Variants in BRAF observed in about 807,000 individuals in gnomAD.
BRAF encodes serine/threonine-protein kinase B-raf.
Under a neutral mutation model 104.6 loss-of-function variants are expected in BRAF, and 16 were observed. The observed-to-expected ratio is 0.15, with a 90% CI of 0.10 to 0.23. The LOEUF (loss-of-function observed/expected upper bound fraction) is 0.23. Ranked by LOEUF, BRAF falls within the 10% of genes least tolerant of loss-of-function variation. The probability of loss-of-function intolerance (pLI) is 1.00; values close to 1 mark genes in which losing one functional copy is unlikely to be tolerated. For missense variants in BRAF, 541 were observed against 937.3 expected (o/e 0.58, Z 5.52); for synonymous variants, 310 against 341.6 (o/e 0.91, Z 1.02).
At chr7:140,824,993 T>TG (rs1805868091) in intron 3 of BRAF, among the ~76,000 whole-genome samples, 2 of 149,792 alleles carry the variant, frequency 1.3e-5, no homozygotes, top group Non-Finnish European at 3.0e-5. Context: ...TTTTTTGAGA[T>TG]GGAGTCTCAC....
Position 140,734,774 on chromosome 7 carries a change from C to CAAAAAAAAAAAAG in BRAF, c.2248-5_2248-4insCTTTTTTTTTTTT. The CAAAAAAAAAAAAG allele has an allele frequency of 4.8e-5, 37 of 772,268 alleles. No homozygotes were observed. The highest frequency in any genetic ancestry group is 5.7e-5 in the Non-Finnish European group (34 of 601,402). 47.8% of individuals were successfully genotyped at this position (772,268 alleles called of 1,614,324 possible). On this transcript the variant is annotated splice_region_variant and splice_polypyrimidine_tract_variant and intron_variant, in intron 18 of 19. Coordinates refer to ENST00000644969, the MANE Select transcript of BRAF (RefSeq NM_001374258.1). ...GCAGCTCAATAGAGGCGAGAATCTA[C>CAAAAAAAAAAAAG]AAAAAAAAAAAGAAAAAAAAAAGAA...
intron 5 of BRAF, 29 bp from the exon 6 acceptor site, chr7:140,801,589 A>C (rs373010909): frequency 1.8e-4 from 292 of 1,602,768 alleles, no homozygotes; most frequent in Non-Finnish European, 2.4e-4. Context: ...CAGAGATTTC[A>C]AAAACTCACA....
chr7:140,769,863 C>T (rs953343098), intron 14 of BRAF, among the ~76,000 whole-genome samples: 4 of 152,216 alleles, frequency 2.6e-5, no homozygotes, highest in Admixed American at 2.6e-4. Context: ...GCATGAGCCA[C>T]TGCATCCAGA....
chr7:140,844,888 C>A (rs1808382161), intron 2 of BRAF, among the ~76,000 whole-genome samples: 2 of 151,936 alleles, frequency 1.3e-5, no homozygotes. Context: ...CCACTGCACT[C>A]CAGCCTGGGT....
At chr7:140,825,223 C>T (rs770481726) in intron 3 of BRAF, among the ~76,000 whole-genome samples, 1 of 152,132 alleles carries the variant, frequency 6.6e-6, no homozygotes, top group Non-Finnish European at 1.5e-5. Context: ...CTGCCTCAGC[C>T]TCCCAAAGTG....
chr7:140,804,116 A>G (rs1242896581), intron 5 of BRAF, among the ~76,000 whole-genome samples: 1 of 152,034 alleles, frequency 6.6e-6, no homozygotes, highest in African/African-American at 2.4e-5. Context: ...CAAACTCCTG[A>G]CCTCAAGTGA....
At position 140,769,434 on chromosome 7, in the gene BRAF, C is replaced by T. The variant is rs146799125; in HGVS notation, c.1814+7478G>A. ...ATTCCTGGAGATAATCACTATGTTACTTGATCTTTGCTTTCTAATCCTTAT... is the reference window on the plus strand; with the variant it reads ...ATTCCTGGAGATAATCACTATGTTATTTGATCTTTGCTTTCTAATCCTTAT... On this transcript the variant is annotated intron_variant, in intron 14 of 19. Coordinates refer to ENST00000644969, the MANE Select transcript of BRAF (RefSeq NM_001374258.1). Among the ~76,000 whole-genome samples the T allele has an allele frequency of 2.7e-3, 418 of 152,228 alleles. 2 individuals are homozygous for T. Among genetic ancestry groups the T allele is most frequent in the Non-Finnish European group, 5.0e-3 (339 of 68,008 alleles).
intron 3 of BRAF, among the ~76,000 whole-genome samples, chr7:140,829,401 C>G (rs927725593): frequency 1.3e-5 from 2 of 148,814 alleles, no homozygotes; most frequent in African/African-American, 5.0e-5. Flanking sequence ...CTTTTGTAAG[C>G]AGTCTAAGAT....
At position 140,850,170 on chromosome 7, in the gene BRAF, T is replaced by C. The variant is rs1265063696; in HGVS notation, c.181A>G (p.Ile61Val). 4 of 1,611,990 alleles carry C rather than the reference T, an allele frequency of 2.5e-6. No individual in the cohort carries two copies. Among genetic ancestry groups the C allele is most frequent in the Non-Finnish European group, 3.4e-6 (4 of 1,179,082 alleles). Reference protein sequence around the residue: ...KQMIKLTQEHIEALLDKFGGE... With the variant: ...KQMIKLTQEHVEALLDKFGGE... ...CCAAATTTGTCCAATAGGGCCTCTA[T>C]ATGTTCCTGTGTCAACTTAATCATT... is the stretch of plus-strand genomic sequence containing the variant. The change falls in exon 2 of 20, where the codon ATA becomes GTA. Residue 61 changes from isoleucine to valine, a missense_variant. By Grantham distance (29) the Ile-to-Val change is conservative. Around this residue, in one of 10 missense-constraint regions of BRAF, gnomAD observed 86 missense variants for 133.9 expected, o/e 0.64. Transcript: ENST00000644969.
At chr7:140,813,627 C>T (rs1804513434) in intron 3 of BRAF, among the ~76,000 whole-genome samples, 1 of 152,164 alleles carries the variant, frequency 6.6e-6, no homozygotes. Context: ...ACCATACACA[C>T]ATCACTGGTT....
rs893618527 is a variant in BRAF at position 140,722,865 on chromosome 7, T to C, written c.*3629A>G. 10 of 1,054,538 alleles carry C rather than the reference T, an allele frequency of 9.5e-6. No homozygotes were observed. The highest frequency in any genetic ancestry group is 1.0e-5 in the Non-Finnish European group (9 of 872,568). 65.3% of individuals were successfully genotyped at this position (1,054,538 alleles called of 1,614,324 possible). On this transcript the variant is annotated 3_prime_UTR_variant, in exon 20 of 20. Coordinates refer to ENST00000644969, the MANE Select transcript of BRAF (RefSeq NM_001374258.1). ...ATTCTGAAACGTACCCCTAAACCGG[T>C]TCTGGCACCACTTTCAACAACATTC...
chr7:140,827,124 A>G (rs1263738076), intron 3 of BRAF, among the ~76,000 whole-genome samples: 1 of 152,218 alleles, frequency 6.6e-6, no homozygotes, highest in Non-Finnish European at 1.5e-5. Context: ...CCAAGCAAGA[A>G]TACTTCATAG....
At chr7:140,727,812 A>G (rs537428047) in intron 19 of BRAF, among the ~76,000 whole-genome samples, 4 of 151,588 alleles carry the variant, frequency 2.6e-5, no homozygotes, top group African/African-American at 4.8e-5. Flanking sequence ...TAGTAGAGAC[A>G]GGGTTTCACT....
chr7:140,853,147 G>A (rs556910357), intron 1 of BRAF, among the ~76,000 whole-genome samples: 4 of 151,396 alleles, frequency 2.6e-5, no homozygotes, highest in Admixed American at 6.6e-5. Flanking sequence ...GGTGGCTCAC[G>A]CCTGTAATCT....
chr7:140,814,105 C>T (rs888747714), intron 3 of BRAF, among the ~76,000 whole-genome samples: 7 of 152,122 alleles, frequency 4.6e-5, no homozygotes, highest in Non-Finnish European at 1.0e-4. Flanking sequence ...AGGTTTATGC[C>T]TTTCCTCCAA....
chr7:140,728,963 C>T (rs919243008), intron 19 of BRAF, among the ~76,000 whole-genome samples: 34 of 151,552 alleles, frequency 2.2e-4, no homozygotes, highest in African/African-American at 7.8e-4. Context: ...CAGTGGTTCA[C>T]GCCTATAATC....
chr7:140,823,486 T>C (rs888087595), intron 3 of BRAF: 4 of 130,538 alleles, frequency 3.1e-5, no homozygotes, highest in African/African-American at 1.7e-4. Context: ...TTGTAGTATG[T>C]GTTAGAATGT....
At chr7:140,806,710 T>A (rs1803690116) in intron 5 of BRAF, among the ~76,000 whole-genome samples, 1 of 152,216 alleles carries the variant, frequency 6.6e-6, no homozygotes, top group African/African-American at 2.4e-5. Flanking sequence ...TTAAGATTTA[T>A]CCACTTAAAA....
In BRAF at chr7:140,911,387, C is replaced by G. The variant is rs74617313; in HGVS notation, c.138+13179G>C. ...AGACGACACTGAACATTTCCATCATCACAGAAAGTATGACTGAACAGTGCA... is the reference window on the plus strand; with the variant it reads ...AGACGACACTGAACATTTCCATCATGACAGAAAGTATGACTGAACAGTGCA... On this transcript the variant is annotated intron_variant, in intron 1 of 19. Coordinates refer to ENST00000644969, the MANE Select transcript of BRAF (RefSeq NM_001374258.1). Among the ~76,000 whole-genome samples the G allele has an allele frequency of 7.0e-4, 106 of 152,306 alleles. 1 individual carries two copies. In the East Asian group the frequency reaches 0.02, roughly 28 times the overall value.
Sources: gnomAD v4.1 joint callset for allele counts (sites outside exome capture counted in the v4.1 genomes callset) on GRCh38, gnomAD v4.1.1 for gene constraint, gnomAD v4.1.1 regional missense constraint, MANE v1.5 for transcripts, NCBI Gene and HGNC (gene_info 2026-07-23, HGNC 2026-07-21) for gene names.